The following PHRF1 variants were observed in gnomAD, a reference collection of about 807,000 sequenced individuals.
PHRF1 encodes the protein PHD and ring finger domains 1, also known as PHD and RING finger domain-containing protein 1.
A neutral mutation model predicts 128.9 loss-of-function variants in PHRF1; 53 were observed. The observed-to-expected ratio is 0.41, with a 90% CI of 0.33 to 0.52. PHRF1 has a LOEUF of 0.52. Ranked by LOEUF, PHRF1 falls within the 20% of genes least tolerant of loss-of-function variation. PHRF1 has a pLI of 0.21. For synonymous variants in PHRF1, 1,178 were observed against 980.6 expected (o/e 1.20, Z -3.76); for missense variants, 2,503 against 2,284.5 (o/e 1.10, Z -1.95).
rs200310178 is a variant in PHRF1 at position 610,513 on chromosome 11, G to A, written c.4429G>A (p.Gly1477Ser). 193 of 1,603,564 alleles carry A rather than the reference G, an allele frequency of 1.2e-4. No individual in the cohort carries two copies. Among genetic ancestry groups the A allele is most frequent in the Non-Finnish European group, 1.4e-4 (166 of 1,178,510 alleles). The change falls in exon 16 of 18, where the codon GGC becomes AGC. Residue 1477 changes from glycine (G) to serine (S), a missense_variant. Coordinates refer to ENST00000264555, the MANE Select transcript of PHRF1 (RefSeq NM_001286581.2). ...DTDPSQVYSP[G>S]LPPAPAQPSS... ...GTGTCCCTCCCAGGTTTACAGCCCC[G>A]GCCTGCCGCCTGCCCCGGCCCAGCC...
At chr11:584,154 CGGGTCTGCTT>C (rs1854385172) in intron 3 of PHRF1, among the ~76,000 whole-genome samples, 1 of 152,216 alleles carries the variant, frequency 6.6e-6, no homozygotes, top group East Asian at 1.9e-4. Flanking sequence ...ACGTGCTCTG[CGGGTCTGCTT>C]GGGTCTGCAG....
Position 607,809 on chromosome 11 carries a change from A to G in PHRF1, c.2353A>G (p.Met785Val), listed in dbSNP as rs747292150. 3 of 1,612,666 alleles carry G rather than the reference A, an allele frequency of 1.9e-6. No homozygotes were observed. Among genetic ancestry groups the G allele is most frequent in the African/African-American group, 2.7e-5 (2 of 74,940 alleles). ...ESFRINIPGNMAHSSQLSSPG... is the reference protein window; with the variant it reads ...ESFRINIPGNVAHSSQLSSPG... ...CTTCCGGATCAATATTCCTGGAAAC[A>G]TGGCACATTCCAGCCAGCTCTCCAG... Residue 785 changes from methionine (M) to valine (V), a missense_variant, in exon 14 of 18, where the codon ATG (methionine) becomes GTG (valine). Met to Val is a conservative substitution (Grantham distance 21, BLOSUM62 1). Transcript: ENST00000264555.
intron 8 of PHRF1, 49 bp from the exon 9 acceptor site, chr11:598,324 C>A: frequency 6.3e-7 from 1 of 1,586,478 alleles, no homozygotes; most frequent in Non-Finnish European, 8.5e-7. Flanking sequence ...CTGTGCTGGA[C>A]CGGCTGAGGC....
intron 10 of PHRF1, among the ~76,000 whole-genome samples, chr11:603,983 G>A (rs570482523): frequency 6.6e-6 from 1 of 152,304 alleles, no homozygotes; most frequent in Admixed American, 6.5e-5. Context: ...GATTCCAGGT[G>A]TGAGCCACCA....
intron 4 of PHRF1, among the ~76,000 whole-genome samples, chr11:588,388 T>C (rs1244271841): frequency 1.3e-5 from 2 of 152,104 alleles, no homozygotes; most frequent in Non-Finnish European, 2.9e-5. Flanking sequence ...TTTTTTTTTT[T>C]GTTTTTTTGA....
chr11:577,442 C>T (rs11246196), intron 1 of PHRF1, among the ~76,000 whole-genome samples: 11,900 of 152,248 alleles, frequency 0.078, 760 homozygotes, highest in African/African-American at 0.18. Context: ...TGAGGTTTGA[C>T]TTCGGGTTTG....
intron 6 of PHRF1, among the ~76,000 whole-genome samples, chr11:595,341 G>A (rs557310505): frequency 7.2e-5 from 11 of 152,284 alleles, no homozygotes; most frequent in Non-Finnish European, 1.5e-4. Flanking sequence ...TAGATACACT[G>A]ACATTACATG....
intron 12 of PHRF1, 142 bp from the exon 13 acceptor site, chr11:606,300 C>G (rs1420848979): frequency 8.8e-7 from 1 of 1,136,318 alleles, no homozygotes; most frequent in South Asian, 1.7e-5. Context: ...AGAACAGCAG[C>G]CGGAGCCAGG....
chr11:583,164 C>T (rs1854315166), intron 3 of PHRF1, among the ~76,000 whole-genome samples: 1 of 151,808 alleles, frequency 6.6e-6, no homozygotes, highest in African/African-American at 2.4e-5. Context: ...CATGGTGAAA[C>T]CCCGTCTCTA....
intron 13 of PHRF1, 34 bp from the exon 14 acceptor site, chr11:607,032 G>A (rs377067470): frequency 6.5e-7 from 1 of 1,531,876 alleles, no homozygotes. Flanking sequence ...AGAGTGGGTG[G>A]GAAATGATTG....
At chr11:583,617 G>A (rs1352737784) in intron 3 of PHRF1, among the ~76,000 whole-genome samples, 4 of 152,236 alleles carry the variant, frequency 2.6e-5, no homozygotes, top group Admixed American at 6.5e-5. Context: ...TCTGCGCTGG[G>A]TGTGGTGGCC....
At chr11:603,553 T>C (rs1443431165) in intron 10 of PHRF1, among the ~76,000 whole-genome samples, 3 of 151,978 alleles carry the variant, frequency 2.0e-5, no homozygotes, top group Admixed American at 2.0e-4. Flanking sequence ...CAAGCTGGTC[T>C]TGAACTCCTA....
chr11:582,179 A>C, intron 3 of PHRF1, 98 bp downstream of exon 3: 1 of 1,528,262 alleles, frequency 6.5e-7, no homozygotes, highest in Non-Finnish European at 8.8e-7. Context: ...CTGTCACCAC[A>C]GCTGGCCATG....
At chr11:583,567 C>T (rs1041939797) in intron 3 of PHRF1, among the ~76,000 whole-genome samples, 1 of 152,178 alleles carries the variant, frequency 6.6e-6, no homozygotes, top group Non-Finnish European at 1.5e-5. Flanking sequence ...TGGTTGTGCC[C>T]TTGAACTTCT....
intron 13 of PHRF1, 197 bp from the exon 14 acceptor site, chr11:606,869 G>A: frequency 1.0e-6 from 1 of 988,584 alleles, no homozygotes; most frequent in Non-Finnish European, 1.4e-6. Flanking sequence ...ATGGCCTCAG[G>A]CACTGTACTT....
At chr11:605,818 T>C in intron 12 of PHRF1, 94 bp downstream of exon 12, 1 of 1,455,694 alleles carries the variant, frequency 6.9e-7, no homozygotes, top group Non-Finnish European at 9.0e-7. Context: ...TGGCTCTCTG[T>C]GGCCCTGGGT....
rs754963325 is a variant in PHRF1, at chr11:591,451, G to T, written c.488G>T (p.Gly163Val). ...KCICIRAQFG[G>V]KILRKIPVEN... ...ATTTGTATTCGAGCTCAATTTGGTG[G>T]TAAAATCTTAAGAAAGGTGAGTGTG... The change falls in exon 5 of 18, where the codon GGT becomes GTT. Residue 163 changes from glycine (G) to valine (V), a missense_variant. By Grantham distance (109) the Gly-to-Val change is moderately radical. Coordinates refer to ENST00000264555, the MANE Select transcript of PHRF1 (RefSeq NM_001286581.2). 3 of 1,608,886 alleles carry T rather than the reference G, an allele frequency of 1.9e-6. No individual in the cohort carries two copies. Among genetic ancestry groups the T allele is most frequent in the Admixed American group, 1.7e-5 (1 of 59,262 alleles).
chr11:590,558 G>A (rs1401358201), intron 4 of PHRF1, among the ~76,000 whole-genome samples: 1 of 152,174 alleles, frequency 6.6e-6, no homozygotes, highest in East Asian at 1.9e-4. Context: ...TGTCAGAGCC[G>A]ATTGAATTAT....
At chr11:590,299 C>T (rs1246444788) in intron 4 of PHRF1, among the ~76,000 whole-genome samples, 6 of 152,340 alleles carry the variant, frequency 3.9e-5, no homozygotes, top group Admixed American at 6.5e-5. Context: ...AACAGGAGTG[C>T]GCCCACACGA....
Sources: gnomAD v4.1 joint callset for allele counts (sites outside exome capture counted in the v4.1 genomes callset) on GRCh38, gnomAD v4.1.1 for gene constraint, MANE v1.5 for transcripts, NCBI Gene and HGNC (gene_info 2026-07-23, HGNC 2026-07-21) for gene names.